Variants in LUZP2 observed in about 807,000 individuals in gnomAD.
LUZP2 encodes the protein leucine zipper protein 2.
In LUZP2, 52 loss-of-function variants were observed where a neutral mutation model predicts 51.6. That is an observed-to-expected ratio of 1.01 (90% CI 0.81 to 1.27). LUZP2 has a LOEUF of 1.27. Among genes scored for constraint, LUZP2 ranks in the 50% most tolerant of loss-of-function variants. LUZP2 has a pLI of 0.00. For missense variants in LUZP2, 436 were observed against 395.4 expected, an observed-to-expected ratio of 1.10 and a Z score of -0.87; for synonymous variants, 154 against 137.3, an observed-to-expected ratio of 1.12 and a Z score of -0.85.
chr11:24,781,967 T>G (rs1305513451), intron 5 of LUZP2, among the ~76,000 whole-genome samples: 1 of 152,030 alleles, frequency 6.6e-6, no homozygotes, highest in African/African-American at 2.4e-5. Flanking sequence ...TCAATGCATA[T>G]GCCACGGTTT....
chr11:24,920,926 A>G (rs76478453), intron 7 of LUZP2, among the ~76,000 whole-genome samples: 3,391 of 152,248 alleles, frequency 0.022, 124 homozygotes, highest in African/African-American at 0.075. Context: ...AATTGCACTT[A>G]CACCCCTTAA....
At chr11:25,009,134 T>A (rs1217889318) in intron 9 of LUZP2, among the ~76,000 whole-genome samples, 1 of 152,228 alleles carries the variant, frequency 6.6e-6, no homozygotes, top group Non-Finnish European at 1.5e-5. Context: ...AAATACCATT[T>A]TAGGACTGTG....
chr11:24,763,318 A>G lies in LUZP2; in HGVS notation c.396+10A>G, dbSNP rs769578757. On this transcript the variant is annotated intron_variant, in intron 5 of 11. Transcript: ENST00000336930. Reference sequence around the variant, plus strand: ...AGACCTCCAGAATGAGGTAAGATATATTTCATCTTAGATACATTTTATATA... The same window carrying G: ...AGACCTCCAGAATGAGGTAAGATATGTTTCATCTTAGATACATTTTATATA... 7.9e-6 allele frequency: 10 copies of G among 1,259,252 alleles called. No homozygotes were observed. The highest frequency in any genetic ancestry group is 1.9e-5 in the South Asian group (1 of 53,174). 78.0% of individuals were successfully genotyped at this position (1,259,252 alleles called of 1,614,324 possible).
intron 5 of LUZP2, among the ~76,000 whole-genome samples, chr11:24,899,251 T>G (rs192767805): frequency 6.6e-6 from 1 of 152,138 alleles, no homozygotes; most frequent in Non-Finnish European, 1.5e-5. Flanking sequence ...AGATTTATTA[T>G]ATATCTTATA....
At chr11:25,066,830 G>C (rs1004923510) in intron 10 of LUZP2, among the ~76,000 whole-genome samples, 1 of 151,906 alleles carries the variant, frequency 6.6e-6, no homozygotes, top group Non-Finnish European at 1.5e-5. Flanking sequence ...AGACTATAAC[G>C]TGCTGAATTG....
chr11:24,845,968 C>G (rs1215561495), intron 5 of LUZP2, among the ~76,000 whole-genome samples: 2 of 152,016 alleles, frequency 1.3e-5, no homozygotes, highest in Non-Finnish European at 2.9e-5. Context: ...ATTTACTTAA[C>G]ATGCTATAAT....
chr11:24,830,732 T>A (rs1590607940), intron 5 of LUZP2, among the ~76,000 whole-genome samples: 1 of 152,096 alleles, frequency 6.6e-6, no homozygotes, highest in Non-Finnish European at 1.5e-5. Context: ...CGGTGGCTCA[T>A]GCCTGTAATC....
chr11:25,046,988 T>A (rs1381242871), intron 9 of LUZP2, among the ~76,000 whole-genome samples: 1 of 152,192 alleles, frequency 6.6e-6, no homozygotes, highest in Non-Finnish European at 1.5e-5. Context: ...TTTTATTTTT[T>A]AATTTCCTTT....
chr11:25,000,973 C>T (rs1590820607), intron 9 of LUZP2, among the ~76,000 whole-genome samples: 2 of 152,074 alleles, frequency 1.3e-5, no homozygotes, highest in African/African-American at 4.8e-5. Context: ...GTTCCTGTAG[C>T]AGTGGCCATT....
chr11:24,682,782 GA>G (rs1367571283), intron 1 of LUZP2, among the ~76,000 whole-genome samples: 1 of 151,850 alleles, frequency 6.6e-6, no homozygotes, highest in Non-Finnish European at 1.5e-5. Flanking sequence ...AAGGCAGGTG[GA>G]TCACGAGATC....
At position 24,873,124 on chromosome 11, in the gene LUZP2, T is replaced by C. The variant is rs112092654; in HGVS notation, c.397-32867T>C. Among the ~76,000 whole-genome samples the C allele has an allele frequency of 2.0e-4, 31 of 152,286 alleles. 1 individual carries two copies. The highest frequency in any genetic ancestry group is 7.2e-4 in the African/African-American group (30 of 41,588). ...GTGATAACAATTCATTCACAGACTC[T>C]AATGCTTTCAAACCCCAGTGCTAGT... On this transcript the variant is annotated intron_variant, in intron 5 of 11. Coordinates refer to ENST00000336930, the MANE Select transcript of LUZP2 (RefSeq NM_001009909.4).
At chr11:24,599,301 G>A (rs879831773) in intron 1 of LUZP2, among the ~76,000 whole-genome samples, 1 of 152,058 alleles carries the variant, frequency 6.6e-6, no homozygotes, top group South Asian at 2.1e-4. Context: ...AGTGTGAAAT[G>A]TATCATCATC....
intron 10 of LUZP2, among the ~76,000 whole-genome samples, chr11:25,072,690 G>C (rs1373209394): frequency 1.3e-5 from 2 of 151,962 alleles, no homozygotes; most frequent in Non-Finnish European, 2.9e-5. Flanking sequence ...TTTAAATTAA[G>C]AGGTTTTATT....
At chr11:24,862,814 A>T (rs370710536) in intron 5 of LUZP2, among the ~76,000 whole-genome samples, 3 of 152,250 alleles carry the variant, frequency 2.0e-5, no homozygotes, top group East Asian at 3.8e-4. Context: ...ATTGTATCTA[A>T]TAAAGAACTT....
intron 7 of LUZP2, among the ~76,000 whole-genome samples, chr11:24,965,677 A>G (rs1351883557): frequency 3.9e-5 from 6 of 151,958 alleles, no homozygotes; most frequent in African/African-American, 1.4e-4. Flanking sequence ...TTTAATTAAT[A>G]CCTACTGTTT....
At chr11:24,959,719 T>A (rs896946430) in intron 7 of LUZP2, among the ~76,000 whole-genome samples, 2 of 152,166 alleles carry the variant, frequency 1.3e-5, no homozygotes, top group East Asian at 1.9e-4. Flanking sequence ...TGACTTCCTC[T>A]TTTCCTAATT....
chr11:25,036,883 G>T (rs1430303811), intron 9 of LUZP2, among the ~76,000 whole-genome samples: 2 of 151,998 alleles, frequency 1.3e-5, no homozygotes, highest in African/African-American at 4.8e-5. Flanking sequence ...TGAACATGTT[G>T]TCTCTCTTAG....
intron 10 of LUZP2, among the ~76,000 whole-genome samples, chr11:25,075,276 G>C (rs568516868): frequency 6.6e-6 from 1 of 152,210 alleles, no homozygotes; most frequent in South Asian, 2.1e-4. Context: ...TAAGAATTCA[G>C]CTATTGATTT....
intron 9 of LUZP2, among the ~76,000 whole-genome samples, chr11:24,988,300 G>A (rs1236272260): frequency 6.6e-6 from 1 of 151,910 alleles, no homozygotes; most frequent in Non-Finnish European, 1.5e-5. Flanking sequence ...AATATTCAAA[G>A]CTTATAATAC....
Sources: allele counts gnomAD v4.1 joint callset (sites outside exome capture counted in the v4.1 genomes callset), GRCh38; gene constraint gnomAD v4.1.1; transcripts MANE v1.5; gene names NCBI Gene and HGNC (gene_info 2026-07-23, HGNC 2026-07-21).